The following FHIT variants were observed in gnomAD, a reference collection of about 807,000 sequenced individuals.
FHIT encodes the protein bis(5'-adenosyl)-triphosphatase.
In FHIT, 19 loss-of-function variants were observed where a neutral mutation model predicts 17.9. The ratio of observed to expected loss-of-function variants is 1.06; its 90% CI spans 0.74 to 1.56. The LOEUF is 1.56. FHIT is among the 40% of genes most tolerant of loss of function. The probability of loss-of-function intolerance (pLI) is 0.00; values close to 1 mark genes in which losing one functional copy is unlikely to be tolerated. For missense variants in FHIT, 248 were observed against 189.2 expected, an observed-to-expected ratio of 1.31 and a Z score of -1.82; for synonymous variants, 81 against 69.7, an observed-to-expected ratio of 1.16 and a Z score of -0.81.
chr3:60,491,936 T>C (rs2034085093), intron 5 of FHIT, among the ~76,000 whole-genome samples: 1 of 152,232 alleles, frequency 6.6e-6, no homozygotes, highest in Admixed American at 6.5e-5. Flanking sequence ...ATTACATGTT[T>C]GGCTAGCATA....
intron 3 of FHIT, among the ~76,000 whole-genome samples, chr3:60,887,101 C>T (rs2107154152): frequency 6.6e-6 from 1 of 152,260 alleles, no homozygotes. Context: ...TCTCTCCTGA[C>T]AAAGTGGTAT....
At chr3:60,153,621 C>T (rs139461744) in intron 5 of FHIT, among the ~76,000 whole-genome samples, 49 of 152,282 alleles carry the variant, frequency 3.2e-4, no homozygotes, top group Non-Finnish European at 6.3e-4. Context: ...GTCTTAGGGA[C>T]ACCAATCCAG....
At position 59,749,580 on chromosome 3, in the gene FHIT, CTTAAGCCATTT is replaced by C. The variant is rs1700772372; in HGVS notation, c.*6-12_*6-2del. 1 of 231,224 alleles carries C rather than the reference CTTAAGCCATTT, an allele frequency of 4.3e-6. No individual in the cohort carries two copies. Among genetic ancestry groups the C allele is most frequent in the South Asian group, 1.8e-4 (1 of 5,502 alleles). 14.3% of individuals were successfully genotyped at this position (231,224 alleles called of 1,614,324 possible). On this transcript the variant is annotated splice_acceptor_variant and splice_polypyrimidine_tract_variant and intron_variant, in intron 9 of 9. Coordinates refer to ENST00000492590, the MANE Select transcript of FHIT (RefSeq NM_002012.4). LOFTEE classifies it low-confidence loss of function (3UTR_SPLICE). ...CTGGAATTCAGGATCTGAAAAACATCTTAAGCCATTTTTAAACAAACAAAGGCCTTATGATT... is the reference window on the plus strand; with the variant it reads ...CTGGAATTCAGGATCTGAAAAACATCTTAAACAAACAAAGGCCTTATGATT...
rs539919482 is a variant in FHIT at position 59,945,548 on chromosome 3, T to C, written c.280-23134A>G. ...ATTAGGTTCCATTTGTCTTTTTTTT[T>C]TTTTGGTCACAATTGCTTTTGGCAT... is the stretch of plus-strand genomic sequence containing the variant. On this transcript the variant is annotated intron_variant, in intron 7 of 9. Coordinates refer to ENST00000492590, the MANE Select transcript of FHIT (RefSeq NM_002012.4). Among the ~76,000 whole-genome samples the C allele has an allele frequency of 7.0e-4, 107 of 152,168 alleles. 1 individual carries two copies. The highest frequency in any genetic ancestry group is 2.5e-3 in the African/African-American group (105 of 41,546).
chr3:61,152,567 G>T (rs150812053), intron 2 of FHIT, among the ~76,000 whole-genome samples: 1 of 152,034 alleles, frequency 6.6e-6, no homozygotes, highest in African/African-American at 2.4e-5. Context: ...CTGAAGTTGG[G>T]GTGCTCTGAC....
chr3:61,129,843 C>G (rs1576069956), intron 2 of FHIT, among the ~76,000 whole-genome samples: 2 of 152,216 alleles, frequency 1.3e-5, no homozygotes, highest in East Asian at 3.9e-4. Context: ...ATTTCCCTAG[C>G]AGCACTGAAT....
At chr3:60,028,083 T>C (rs770378813) in intron 5 of FHIT, among the ~76,000 whole-genome samples, 10 of 152,152 alleles carry the variant, frequency 6.6e-5, no homozygotes, top group Non-Finnish European at 1.2e-4. Flanking sequence ...GGCCACAAAT[T>C]TATGGTAACA....
At chr3:60,164,275 C>T (rs1701061164) in intron 5 of FHIT, among the ~76,000 whole-genome samples, 1 of 152,078 alleles carries the variant, frequency 6.6e-6, no homozygotes, top group African/African-American at 2.4e-5. Flanking sequence ...ATCAGCAGCC[C>T]CCACAGCACA....
chr3:60,789,458 C>T (rs1700704675), intron 4 of FHIT, among the ~76,000 whole-genome samples: 1 of 152,158 alleles, frequency 6.6e-6, no homozygotes, highest in Non-Finnish European at 1.5e-5. Flanking sequence ...ACAGAGGTTG[C>T]AGTGAGCCAA....
In FHIT at chr3:60,728,699, A is replaced by T. The variant is rs551624088; in HGVS notation, c.-18+93220T>A. On this transcript the variant is annotated intron_variant, in intron 4 of 9. Coordinates refer to ENST00000492590, the MANE Select transcript of FHIT (RefSeq NM_002012.4). ...AATCAATTTTGAAGTGTTTTCACAC[A>T]CACATACACACACACACACACACAC... 6.3e-5 allele frequency among the ~76,000 whole-genome samples: 4 copies of T among 63,378 alleles called. No individual in the cohort carries two copies. In the East Asian group the frequency reaches 2.7e-3, roughly 43 times the overall value. The allele number at this position is 63,378 out of a possible 152,430, so 41.6% of individuals were successfully genotyped here.
chr3:60,297,559 T>C (rs1708268055), intron 5 of FHIT, among the ~76,000 whole-genome samples: 1 of 145,844 alleles, frequency 6.9e-6, no homozygotes, highest in African/African-American at 2.5e-5. Context: ...AGGTATGACT[T>C]ACAAGGAAGT....
At chr3:60,876,002 C>A (rs1704638163) in intron 3 of FHIT, among the ~76,000 whole-genome samples, 1 of 142,592 alleles carries the variant, frequency 7.0e-6, no homozygotes, top group African/African-American at 2.6e-5. Flanking sequence ...TATCTATTTC[C>A]CAGGCCTCAA....
chr3:60,459,483 C>T (rs1442725874), intron 5 of FHIT, among the ~76,000 whole-genome samples: 1 of 152,124 alleles, frequency 6.6e-6, no homozygotes, highest in Non-Finnish European at 1.5e-5. Context: ...AGTTTCAATG[C>T]CCTCACTTTC....
In FHIT at chr3:60,048,467, C is replaced by T. The variant is rs149685945; in HGVS notation, c.104-34315G>A. Among the ~76,000 whole-genome samples, 26 of 152,286 alleles carry T rather than the reference C, an allele frequency of 1.7e-4. No individual in the cohort carries two copies. The East Asian group carries it at 4.6e-3, about 27-fold the overall frequency. On this transcript the variant is annotated intron_variant, in intron 5 of 9. Coordinates refer to ENST00000492590, the MANE Select transcript of FHIT (RefSeq NM_002012.4). Reference sequence around the variant, plus strand: ...CTGGGATTACAGGCGTGAGTCTCTACGACCGGCCTTAAGTTCTCTTTTCAA... The same window carrying T: ...CTGGGATTACAGGCGTGAGTCTCTATGACCGGCCTTAAGTTCTCTTTTCAA...
intron 4 of FHIT, among the ~76,000 whole-genome samples, chr3:60,587,669 A>T (rs1173678127): frequency 6.6e-6 from 1 of 152,060 alleles, no homozygotes; most frequent in African/African-American, 2.4e-5. Context: ...CAGTTCCACT[A>T]ACAAGCCCAT....
chr3:59,759,876 C>T (rs1701418313), intron 8 of FHIT, among the ~76,000 whole-genome samples: 2 of 152,298 alleles, frequency 1.3e-5, no homozygotes, highest in Non-Finnish European at 2.9e-5. Context: ...CTGCCTGCCA[C>T]TTGTGATACC....
chr3:60,139,200 A>G (rs544703772), intron 5 of FHIT, among the ~76,000 whole-genome samples: 1 of 152,202 alleles, frequency 6.6e-6, no homozygotes, highest in Non-Finnish European at 1.5e-5. Context: ...GCCTTTCAGT[A>G]CAGGAAGGCA....
At chr3:60,079,831 G>A (rs547997721) in intron 5 of FHIT, among the ~76,000 whole-genome samples, 1 of 151,970 alleles carries the variant, frequency 6.6e-6, no homozygotes, top group East Asian at 1.9e-4. Flanking sequence ...AATGAATGCA[G>A]GGAAGGGGGT....
intron 5 of FHIT, among the ~76,000 whole-genome samples, chr3:60,185,693 A>T (rs933452900): frequency 3.3e-5 from 5 of 152,206 alleles, no homozygotes; most frequent in African/African-American, 1.2e-4. Context: ...AGGAAACTGC[A>T]AAACTGTCTT....
Sources: gnomAD v4.1 joint callset for allele counts (sites outside exome capture counted in the v4.1 genomes callset) on GRCh38, gnomAD v4.1.1 for gene constraint, MANE v1.5 for transcripts, NCBI Gene and HGNC (gene_info 2026-07-23, HGNC 2026-07-21) for gene names.